Variants in TRAPPC9 observed in about 807,000 individuals in gnomAD.
TRAPPC9 encodes the protein trafficking protein particle complex subunit 9.
In TRAPPC9, 83 loss-of-function variants were observed where a neutral mutation model predicts 124.0. The observed-to-expected ratio is 0.67, with a 90% CI of 0.56 to 0.80. TRAPPC9 has a LOEUF of 0.80. Ranked by LOEUF, TRAPPC9 falls within the 30% of genes least tolerant of loss-of-function variation. The probability of loss-of-function intolerance (pLI) is 0.00; values close to 1 mark genes in which losing one functional copy is unlikely to be tolerated. For synonymous variants in TRAPPC9, 638 were observed against 617.5 expected (o/e 1.03, Z -0.49); for missense variants, 1,302 against 1,508.3 (o/e 0.86, Z 2.27).
intron 17 of TRAPPC9, among the ~76,000 whole-genome samples, chr8:140,033,673 T>TTTTTGTTTTTTTTTTTTTTTTTTTTTTG (rs1456187769): frequency 1.7e-4 from 13 of 76,734 alleles, no homozygotes; most frequent in Non-Finnish European, 3.1e-4. Context: ...TTTTTTTTTT[T>TTTTTGTTTTTTTTTTTTTTTTTTTTTTG]TTTTTTTTTT....
chr8:139,817,570 T>C (rs1452278649), intron 21 of TRAPPC9, among the ~76,000 whole-genome samples: 2 of 152,240 alleles, frequency 1.3e-5, no homozygotes, highest in Non-Finnish European at 2.9e-5. Flanking sequence ...GCCTGGCTTC[T>C]CGTTCATTAA....
intron 21 of TRAPPC9, among the ~76,000 whole-genome samples, chr8:139,885,115 T>C (rs975744195): frequency 6.6e-6 from 1 of 152,226 alleles, no homozygotes; most frequent in East Asian, 1.9e-4. Context: ...AGGGGATATG[T>C]ATGCTTGCAA....
intron 17 of TRAPPC9, among the ~76,000 whole-genome samples, chr8:140,083,339 A>G (rs1843967297): frequency 6.6e-6 from 1 of 152,220 alleles, no homozygotes; most frequent in Non-Finnish European, 1.5e-5. Flanking sequence ...AAGGTCTAAC[A>G]TTGGGAAAAA....
intron 17 of TRAPPC9, among the ~76,000 whole-genome samples, chr8:140,109,185 C>T (rs1006891270): frequency 6.6e-6 from 1 of 152,228 alleles, no homozygotes; most frequent in African/African-American, 2.4e-5. Context: ...ATCCGTGGGC[C>T]GAGCACAGAG....
At chr8:139,998,879 T>G (rs1415493210) in intron 18 of TRAPPC9, among the ~76,000 whole-genome samples, 1 of 152,200 alleles carries the variant, frequency 6.6e-6, no homozygotes, top group Non-Finnish European at 1.5e-5. Context: ...GCGCCTATAT[T>G]TGAGATTCCA....
At chr8:140,268,118 A>G (rs2064746365) in intron 15 of TRAPPC9, among the ~76,000 whole-genome samples, 1 of 152,202 alleles carries the variant, frequency 6.6e-6, no homozygotes, top group South Asian at 2.1e-4. Context: ...GCTAAGCTCA[A>G]TGGGCTCAGA....
chr8:140,410,147 A>C (rs1339158233), intron 5 of TRAPPC9, among the ~76,000 whole-genome samples: 2 of 90,322 alleles, frequency 2.2e-5, no homozygotes, highest in East Asian at 4.2e-4. Context: ...TCTCCAAAAA[A>C]AAAAAAAAAA....
chr8:140,287,646 A>G lies in TRAPPC9; in HGVS notation c.1943T>C (p.Val648Ala), dbSNP rs763584356. 1 of 1,614,144 alleles carries G rather than the reference A, an allele frequency of 6.2e-7. No homozygotes were observed. Among genetic ancestry groups the G allele is most frequent in the South Asian group, 1.1e-5 (1 of 91,072 alleles). The change falls in exon 13 of 23, where the codon GTC becomes GCC. Residue 648 changes from valine to alanine, a missense_variant. Transcript: ENST00000438773. ...CGTTCCAGTCGTCTGCGGGACCCCG[A>G]CGAGCGTCACTGGGTACAGACCAGA... ...AESGLYPVTLVGVPQTTGTIT... is the reference protein window; with the variant it reads ...AESGLYPVTLAGVPQTTGTIT...
At chr8:140,448,145 CAAAAAAAAAA>C (rs56941791) in intron 2 of TRAPPC9, among the ~76,000 whole-genome samples, 2 of 90,106 alleles carry the variant, frequency 2.2e-5, no homozygotes, top group Non-Finnish European at 4.4e-5. Context: ...GACACCATCT[CAAAAAAAAAA>C]AAAAAAAAAA....
intron 18 of TRAPPC9, among the ~76,000 whole-genome samples, chr8:139,992,008 C>T (rs1454396483): frequency 1.3e-5 from 2 of 151,848 alleles, no homozygotes; most frequent in Non-Finnish European, 2.9e-5. Flanking sequence ...AAGGGCAGGA[C>T]CAATGGGGTT....
At chr8:140,084,105 G>A (rs1844028417) in intron 17 of TRAPPC9, among the ~76,000 whole-genome samples, 1 of 152,116 alleles carries the variant, frequency 6.6e-6, no homozygotes, top group Non-Finnish European at 1.5e-5. Flanking sequence ...TCATGGAGTA[G>A]GCACTCAGAA....
chr8:139,730,861 G>A lies in TRAPPC9; in HGVS notation c.*200C>T. Reference sequence around the variant, plus strand: ...AACAGTGTAGGAAGGGGCGTGGCATGGGGTGGGGCTGCCATGTCCGGGGCT... The same window carrying A: ...AACAGTGTAGGAAGGGGCGTGGCATAGGGTGGGGCTGCCATGTCCGGGGCT... On this transcript the variant is annotated 3_prime_UTR_variant, in exon 23 of 23. Coordinates refer to ENST00000438773, the MANE Select transcript of TRAPPC9 (RefSeq NM_001160372.4). 1.6e-6 allele frequency: 1 copy of A among 617,414 alleles called. No individual in the cohort carries two copies. Among genetic ancestry groups the A allele is most frequent in the Admixed American group, 2.9e-5 (1 of 34,740 alleles). The allele number at this position is 617,414 out of a possible 1,614,324, so 38.2% of individuals were successfully genotyped here.
intron 2 of TRAPPC9, among the ~76,000 whole-genome samples, chr8:140,440,315 G>A (rs767209566): frequency 2.0e-5 from 3 of 152,084 alleles, no homozygotes; most frequent in Middle Eastern, 3.2e-3. Flanking sequence ...AGACCATCCT[G>A]GCTAACACGG....
intron 7 of TRAPPC9, among the ~76,000 whole-genome samples, chr8:140,394,210 A>G (rs1020004070): frequency 2.6e-5 from 4 of 152,266 alleles, no homozygotes; most frequent in Non-Finnish European, 5.9e-5. Context: ...ACGGCAAGCC[A>G]GTCTCAAAGC....
chr8:140,208,869 T>C (rs956828431), intron 17 of TRAPPC9, among the ~76,000 whole-genome samples: 1 of 152,234 alleles, frequency 6.6e-6, no homozygotes, highest in Non-Finnish European at 1.5e-5. Context: ...AACACAGTAT[T>C]GGTGGGATGT....
chr8:140,116,216 G>A (rs1241522950), intron 17 of TRAPPC9, among the ~76,000 whole-genome samples: 1 of 152,160 alleles, frequency 6.6e-6, no homozygotes, highest in South Asian at 2.1e-4. Flanking sequence ...ATAACGAAAA[G>A]GTTTAAAGTA....
intron 17 of TRAPPC9, among the ~76,000 whole-genome samples, chr8:140,165,116 T>C (rs1288665851): frequency 6.6e-6 from 1 of 152,134 alleles, no homozygotes; most frequent in East Asian, 1.9e-4. Context: ...TGGCTCACAC[T>C]TGTAATCCCA....
chr8:139,874,745 C>T (rs984186622), intron 21 of TRAPPC9, among the ~76,000 whole-genome samples: 2 of 152,162 alleles, frequency 1.3e-5, no homozygotes, highest in Non-Finnish European at 2.9e-5. Context: ...GCCTTCTGAG[C>T]CAAAGGCCAG....
At chr8:139,867,794 A>G (rs1349266735) in intron 21 of TRAPPC9, among the ~76,000 whole-genome samples, 4 of 152,232 alleles carry the variant, frequency 2.6e-5, no homozygotes, top group Admixed American at 1.3e-4. Context: ...AGAAAGATGG[A>G]CGAACTGTTC....
Sources: allele counts gnomAD v4.1 joint callset (sites outside exome capture counted in the v4.1 genomes callset), GRCh38; gene constraint gnomAD v4.1.1; transcripts MANE v1.5; gene names NCBI Gene and HGNC (gene_info 2026-07-23, HGNC 2026-07-21).